Variants in LMBRD1 observed in about 807,000 individuals in gnomAD.
LMBRD1 encodes the protein LMBR1 domain containing 1.
Under a neutral mutation model 74.8 loss-of-function variants are expected in LMBRD1, and 64 were observed. The observed-to-expected ratio is 0.86, with a 90% CI of 0.70 to 1.05. The LOEUF is 1.05. Among genes scored for constraint, LMBRD1 ranks in the 50% least tolerant of loss-of-function variants. The pLI is 0.00. For synonymous variants in LMBRD1, 204 were observed against 216.3 expected (o/e 0.94, Z 0.50); for missense variants, 652 against 645.9 (o/e 1.01, Z -0.10).
intron 3 of LMBRD1, among the ~76,000 whole-genome samples, chr6:69,768,636 G>A (rs906946358): frequency 4.0e-5 from 6 of 151,846 alleles, no homozygotes; most frequent in African/African-American, 1.5e-4. Context: ...AAAATATAGT[G>A]CCTTTATATT....
chr6:69,731,068 A>T (rs1342243669), intron 7 of LMBRD1, among the ~76,000 whole-genome samples: 3 of 152,084 alleles, frequency 2.0e-5, no homozygotes, highest in African/African-American at 7.2e-5. Flanking sequence ...GTATGAGCGA[A>T]AACATGTGAA....
intron 7 of LMBRD1, among the ~76,000 whole-genome samples, chr6:69,720,722 C>A (rs1033970605): frequency 1.3e-5 from 2 of 152,032 alleles, no homozygotes; most frequent in African/African-American, 2.4e-5. Flanking sequence ...CACTGGAAAA[C>A]CACATTTTAA....
At chr6:69,693,598 A>G (rs541549309) in intron 14 of LMBRD1, among the ~76,000 whole-genome samples, 2 of 152,094 alleles carry the variant, frequency 1.3e-5, no homozygotes, top group East Asian at 3.9e-4. Flanking sequence ...GTTACTTGCA[A>G]TGGATACATT....
chr6:69,700,613 A>C (rs1766105598), intron 12 of LMBRD1, 152 bp downstream of exon 12: 1 of 495,140 alleles, frequency 2.0e-6, no homozygotes, highest in South Asian at 5.0e-5. Context: ...GATAAAAAGT[A>C]CTTTTATGTC....
intron 5 of LMBRD1, among the ~76,000 whole-genome samples, chr6:69,747,880 T>C (rs892426544): frequency 1.3e-5 from 2 of 152,228 alleles, no homozygotes; most frequent in Admixed American, 1.3e-4. Flanking sequence ...ATATGCCACC[T>C]TCAAAAATAT....
At chr6:69,714,937 T>G (rs1308848964) in intron 8 of LMBRD1, among the ~76,000 whole-genome samples, 2 of 152,160 alleles carry the variant, frequency 1.3e-5, no homozygotes, top group Non-Finnish European at 2.9e-5. Context: ...GATATGATTT[T>G]GTAGGTCTTG....
At chr6:69,680,766 C>T (rs575107032) in intron 14 of LMBRD1, among the ~76,000 whole-genome samples, 1 of 152,048 alleles carries the variant, frequency 6.6e-6, no homozygotes, top group South Asian at 2.1e-4. Context: ...CTGGGATATA[C>T]CCATATAAAA....
At chr6:69,754,194 A>G (rs1765224646) in intron 3 of LMBRD1, among the ~76,000 whole-genome samples, 1 of 152,190 alleles carries the variant, frequency 6.6e-6, no homozygotes, top group Non-Finnish European at 1.5e-5. Context: ...TATAAGATGG[A>G]AAGTGTTATG....
intron 3 of LMBRD1, among the ~76,000 whole-genome samples, chr6:69,776,049 T>A (rs1445311561): frequency 6.6e-6 from 1 of 152,242 alleles, no homozygotes; most frequent in Non-Finnish European, 1.5e-5. Context: ...AATGGCAATA[T>A]TAACAAATGT....
At chr6:69,735,914 T>C (rs1440933339) in intron 7 of LMBRD1, among the ~76,000 whole-genome samples, 2 of 152,230 alleles carry the variant, frequency 1.3e-5, no homozygotes, top group African/African-American at 4.8e-5. Flanking sequence ...CCAGCCACAA[T>C]GGCTTTGCCT....
In LMBRD1 at chr6:69,701,897, G is replaced by T. The variant is rs1263478569; in HGVS notation, c.972C>A (p.Phe324Leu). 1 of 1,594,492 alleles carries T rather than the reference G, an allele frequency of 6.3e-7. No homozygotes were observed. Among genetic ancestry groups the T allele is most frequent in the Non-Finnish European group, 8.6e-7 (1 of 1,163,142 alleles). ...GTGTCTACTGTACTTACTTTGACAA[G>T]AAGAGAGAAATTACAAACAGCAATG... The part of the protein sequence containing the change: ...LVALLFVISL[F>L]LSNLDKALHS... The change falls in exon 10 of 16, where the codon TTC (phenylalanine) becomes TTA (leucine). Residue 324 changes from phenylalanine to leucine, a missense_variant. Coordinates refer to ENST00000649934, the MANE Select transcript of LMBRD1 (RefSeq NM_018368.4).
chr6:69,679,614 G>T (rs1042052715), intron 14 of LMBRD1, among the ~76,000 whole-genome samples: 3 of 151,906 alleles, frequency 2.0e-5, no homozygotes, highest in Non-Finnish European at 4.4e-5. Context: ...GATTCCAAGG[G>T]TATAAAAATG....
chr6:69,707,419 G>C (rs1003382393), intron 9 of LMBRD1, among the ~76,000 whole-genome samples: 1 of 152,092 alleles, frequency 6.6e-6, no homozygotes, highest in African/African-American at 2.4e-5. Context: ...GCATCATTAG[G>C]TGAAGAAAAA....
rs149254047 is a variant in LMBRD1, at chr6:69,687,014, A to G, written c.1418-10473T>C. ...GTTTCCAAGCCTTGGTCTATATACA[A>G]CACAGTAGTCAGAGTGATCCTGTGA... On this transcript the variant is annotated intron_variant, in intron 14 of 15. Transcript: ENST00000649934. 3.5e-3 allele frequency among the ~76,000 whole-genome samples: 532 copies of G among 152,284 alleles called. 1 individual carries two copies. The highest frequency in any genetic ancestry group is 0.012 in the African/African-American group (514 of 41,552).
chr6:69,691,812 GT>G lies in LMBRD1; in HGVS notation c.1417+5750del, dbSNP rs1188526736. On this transcript the variant is annotated intron_variant, in intron 14 of 15. Coordinates refer to ENST00000649934, the MANE Select transcript of LMBRD1 (RefSeq NM_018368.4). ...AATGGCATGAACCCGGGAGGCGAAG[GT>G]TGCAGTGAGCCAAGATCGCGCCACT... 1.2e-4 allele frequency among the ~76,000 whole-genome samples: 17 copies of G among 143,840 alleles called. No individual in the cohort carries two copies. In the East Asian group the frequency reaches 3.7e-3, roughly 31 times the overall value. 94.4% of individuals were successfully genotyped at this position (143,840 alleles called of 152,430 possible). A position where few individuals can be genotyped will look rare whatever the true frequency, so the allele number is the denominator to read the frequency against.
intron 3 of LMBRD1, among the ~76,000 whole-genome samples, chr6:69,769,729 C>T (rs1226781877): frequency 7.8e-6 from 1 of 128,630 alleles, no homozygotes; most frequent in Non-Finnish European, 1.6e-5. Flanking sequence ...TTTTTTTTAA[C>T]GATTTTTTTA....
At chr6:69,720,967 T>A (rs1219890373) in intron 7 of LMBRD1, among the ~76,000 whole-genome samples, 2 of 152,206 alleles carry the variant, frequency 1.3e-5, no homozygotes, top group African/African-American at 2.4e-5. Flanking sequence ...GACTTTACAC[T>A]GAACTCAGTG....
At chr6:69,676,585 T>C in intron 14 of LMBRD1, 44 bp from the exon 15 acceptor site, 1 of 1,393,898 alleles carries the variant, frequency 7.2e-7, no homozygotes, top group Non-Finnish European at 1.0e-6. Flanking sequence ...GGTTCTTTCA[T>C]AAAATTGATG....
intron 7 of LMBRD1, among the ~76,000 whole-genome samples, chr6:69,732,518 T>TAA (rs1766881010): frequency 1.3e-5 from 2 of 152,170 alleles, no homozygotes; most frequent in African/African-American, 4.8e-5. Context: ...TCTGTTATAC[T>TAA]GACCTGAACT....
Sources: gnomAD v4.1 joint callset for allele counts (sites outside exome capture counted in the v4.1 genomes callset) on GRCh38, gnomAD v4.1.1 for gene constraint, MANE v1.5 for transcripts, NCBI Gene and HGNC (gene_info 2026-07-23, HGNC 2026-07-21) for gene names.